PDGFD: variants seen among roughly 807,000 people sequenced by gnomAD.
The protein encoded by PDGFD is platelet derived growth factor D, also known as platelet-derived growth factor D.
Under a neutral mutation model 44.7 loss-of-function variants are expected in PDGFD, and 30 were observed. The ratio of observed to expected loss-of-function variants is 0.67; its 90% CI spans 0.50 to 0.91. The LOEUF is 0.91. Ranked by LOEUF, PDGFD falls within the 40% of genes least tolerant of loss-of-function variation. The pLI, the probability that PDGFD is intolerant of heterozygous loss-of-function variation, is 0.00. For missense variants in PDGFD, 445 were observed against 457.8 expected (o/e 0.97, Z 0.25); for synonymous variants, 173 against 168.4 (o/e 1.03, Z -0.21).
At chr11:103,943,427 G>T in intron 5 of PDGFD, 25 bp downstream of exon 5, 3 of 1,589,392 alleles carry the variant, frequency 1.9e-6, no homozygotes, top group South Asian at 1.1e-5. Flanking sequence ...TGCTTATGAA[G>T]AATGTACAAG....
At chr11:104,061,440 G>A (rs1248637126) in intron 1 of PDGFD, among the ~76,000 whole-genome samples, 3 of 152,112 alleles carry the variant, frequency 2.0e-5, no homozygotes, top group South Asian at 2.1e-4. Flanking sequence ...CATCTAAATC[G>A]GGAGGGAGCG....
At chr11:104,040,075 G>T (rs1227191134) in intron 1 of PDGFD, among the ~76,000 whole-genome samples, 2 of 152,064 alleles carry the variant, frequency 1.3e-5, no homozygotes, top group Admixed American at 6.5e-5. Context: ...ATAACTTCCA[G>T]TAAGTTGGTC....
intron 1 of PDGFD, among the ~76,000 whole-genome samples, chr11:104,032,255 C>T (rs1860139636): frequency 6.6e-6 from 1 of 152,114 alleles, no homozygotes; most frequent in Non-Finnish European, 1.5e-5. Flanking sequence ...GTTATTTGCT[C>T]ATGACTGTTC....
intron 3 of PDGFD, among the ~76,000 whole-genome samples, chr11:103,976,266 T>G (rs1859183655): frequency 6.6e-6 from 1 of 152,118 alleles, no homozygotes; most frequent in Non-Finnish European, 1.5e-5. Flanking sequence ...TAAGTTGTAT[T>G]CCTAGGTATT....
At position 103,925,781 on chromosome 11, in the gene PDGFD, T is replaced by A. The variant is rs148000365; in HGVS notation, c.987+1131A>T. Among the ~76,000 whole-genome samples, 505 of 147,554 alleles carry A rather than the reference T, an allele frequency of 3.4e-3. 2 individuals carry two copies. Among genetic ancestry groups the A allele is most frequent in the African/African-American group, 0.012 (477 of 40,092 alleles). On this transcript the variant is annotated intron_variant, in intron 6 of 6. Coordinates refer to ENST00000393158, the MANE Select transcript of PDGFD (RefSeq NM_025208.5). ...GGAGTTTCTTTTACCCAGGCTGGAG[T>A]GCAATGGCGCGATCTCAGCTCACTG...
In PDGFD at chr11:104,130,044, A is replaced by G. The variant is rs115773283; in HGVS notation, c.124+33760T>C. Among the ~76,000 whole-genome samples the G allele has an allele frequency of 5.2e-3, 792 of 151,512 alleles. 3 individuals carry two copies. The highest frequency in any genetic ancestry group is 0.019 in the African/African-American group (769 of 41,310). The stretch of plus-strand genomic sequence containing the variant: ...CTAACAAGAAAGAAATAGGTAAACC[A>G]CTCAGCATAGGGAATTAAAGGGGGT... On this transcript the variant is annotated intron_variant, in intron 1 of 6. Transcript: ENST00000393158.
chr11:104,101,484 G>A lies in PDGFD; in HGVS notation c.124+62320C>T, dbSNP rs1322765332. Among the ~76,000 whole-genome samples the A allele has an allele frequency of 5.3e-5, 8 of 151,904 alleles. No homozygotes were observed. In the East Asian group the frequency reaches 1.6e-3, roughly 30 times the overall value. ...GAACAAATGGAAGAATCAATATCGTGAAAATGGTCATACTGCCCAAGGTAA... is the reference window on the plus strand; with the variant it reads ...GAACAAATGGAAGAATCAATATCGTAAAAATGGTCATACTGCCCAAGGTAA... On this transcript the variant is annotated intron_variant, in intron 1 of 6. Transcript: ENST00000393158.
intron 3 of PDGFD, among the ~76,000 whole-genome samples, chr11:103,966,135 C>G (rs1859017367): frequency 6.6e-6 from 1 of 152,178 alleles, no homozygotes; most frequent in African/African-American, 2.4e-5. Flanking sequence ...ATTAGAGTCA[C>G]TCTATTCCCA....
intron 3 of PDGFD, among the ~76,000 whole-genome samples, chr11:103,952,118 T>C (rs1388730038): frequency 6.6e-6 from 1 of 152,186 alleles, no homozygotes; most frequent in Non-Finnish European, 1.5e-5. Flanking sequence ...ATACCCTTAA[T>C]ATTATCCTGA....
chr11:104,151,905 G>C (rs1330567143), intron 1 of PDGFD, among the ~76,000 whole-genome samples: 4 of 151,890 alleles, frequency 2.6e-5, no homozygotes, highest in African/African-American at 9.7e-5. Context: ...TGATCATCAA[G>C]ACGGAATCTC....
In PDGFD at chr11:103,970,224, T is replaced by C. The variant is rs529034378; in HGVS notation, c.511-22500A>G. ...AGAACATATAAATTAGTGAAAAAAA[T>C]TCTCTAAATATCAATAATTGATGCA... On this transcript the variant is annotated intron_variant, in intron 3 of 6. Transcript: ENST00000393158. Among the ~76,000 whole-genome samples the C allele has an allele frequency of 2.6e-5, 4 of 152,090 alleles. No homozygotes were observed. The East Asian group carries it at 7.7e-4, about 29-fold the overall frequency.
chr11:103,976,917 A>G (rs1859193290), intron 3 of PDGFD, among the ~76,000 whole-genome samples: 2 of 152,042 alleles, frequency 1.3e-5, no homozygotes, highest in African/African-American at 4.8e-5. Flanking sequence ...TATTTTTGAA[A>G]AGATTAACAA....
At chr11:104,030,721 G>A (rs192108042) in intron 1 of PDGFD, among the ~76,000 whole-genome samples, 2 of 152,260 alleles carry the variant, frequency 1.3e-5, no homozygotes, top group Admixed American at 6.5e-5. Flanking sequence ...AAGAGGTCAA[G>A]CAAGTGGTAT....
At chr11:104,120,474 T>A (rs1861761835) in intron 1 of PDGFD, among the ~76,000 whole-genome samples, 1 of 151,916 alleles carries the variant, frequency 6.6e-6, no homozygotes, top group South Asian at 2.1e-4. Flanking sequence ...TAGCATAAGT[T>A]CAAATTCTTG....
intron 1 of PDGFD, among the ~76,000 whole-genome samples, chr11:104,119,703 A>G (rs1438607301): frequency 2.0e-5 from 2 of 99,288 alleles, no homozygotes; most frequent in Non-Finnish European, 3.5e-5. Context: ...TATAATATCT[A>G]TTAATATTAT....
At chr11:104,023,273 A>C (rs1313604332) in intron 1 of PDGFD, among the ~76,000 whole-genome samples, 3 of 152,148 alleles carry the variant, frequency 2.0e-5, no homozygotes, top group Non-Finnish European at 2.9e-5. Context: ...CATCTTTCTG[A>C]ACTACAAACT....
chr11:103,921,343 A>G (rs1858215513), intron 6 of PDGFD, among the ~76,000 whole-genome samples: 1 of 152,062 alleles, frequency 6.6e-6, no homozygotes, highest in African/African-American at 2.4e-5. Context: ...CGCGAAATTT[A>G]TTTTCTGTTT....
At chr11:104,083,661 T>C (rs1375614563) in intron 1 of PDGFD, among the ~76,000 whole-genome samples, 1 of 152,236 alleles carries the variant, frequency 6.6e-6, no homozygotes, top group Non-Finnish European at 1.5e-5. Flanking sequence ...TAGCCCATGA[T>C]AATCTTGGAA....
intron 1 of PDGFD, among the ~76,000 whole-genome samples, chr11:104,143,058 T>C (rs559674364): frequency 6.6e-6 from 1 of 152,292 alleles, no homozygotes; most frequent in Admixed American, 6.5e-5. Context: ...GCTATGCAGG[T>C]TTTCCTTACA....
Sources: allele counts gnomAD v4.1 joint callset (sites outside exome capture counted in the v4.1 genomes callset), GRCh38; gene constraint gnomAD v4.1.1; transcripts MANE v1.5; gene names NCBI Gene and HGNC (gene_info 2026-07-23, HGNC 2026-07-21).